Variants in FRYL observed in about 807,000 individuals in gnomAD.
FRYL encodes the protein FRY like transcription coactivator.
Under a neutral mutation model 351.2 loss-of-function variants are expected in FRYL, and 150 were observed. That is an observed-to-expected ratio of 0.43 (90% CI 0.37 to 0.49). The LOEUF (loss-of-function observed/expected upper bound fraction) is 0.49, where lower values mean the gene tolerates loss of function less well. Ranked by LOEUF, FRYL falls within the 20% of genes least tolerant of loss-of-function variation. The pLI is 0.00. For synonymous variants in FRYL, 1,153 were observed against 1,257.1 expected (o/e 0.92, Z 1.75); for missense variants, 3,036 against 3,619.3 (o/e 0.84, Z 4.13).
At chr4:48,537,917 T>C (rs1476952091) in intron 47 of FRYL, among the ~76,000 whole-genome samples, 2 of 152,182 alleles carry the variant, frequency 1.3e-5, no homozygotes, top group Non-Finnish European at 2.9e-5. Flanking sequence ...TTTTATTTTC[T>C]TGAAACCCCC....
chr4:48,539,883 AGGAGTTTT>A (rs1327482086), intron 47 of FRYL, 80 bp downstream of exon 47: 9 of 911,480 alleles, frequency 9.9e-6, no homozygotes, highest in Admixed American at 4.9e-5. Context: ...TGACAATAAA[AGGAGTTTT>A]AAGAGATTTC....
At chr4:48,704,949 C>CAAAA (rs780894705) in intron 2 of FRYL, among the ~76,000 whole-genome samples, 10 of 50,714 alleles carry the variant, frequency 2.0e-4, no homozygotes, top group African/African-American at 7.8e-4. Context: ...GACTCCGTCT[C>CAAAA]AAAAAAAAAA....
In FRYL at chr4:48,565,687, G is replaced by A; in HGVS notation, c.3174C>T (p.His1058=). The change falls in exon 29 of 64, where the codon CAC becomes CAT. Residue 1058 remains histidine (H), a synonymous_variant. Coordinates refer to ENST00000358350, the MANE Select transcript of FRYL (RefSeq NM_015030.2). Reference sequence around the variant, plus strand: ...GTTGAGGAAAAATACTTCTTCTCTGGTGCACTGTGAATAAAAAAAGATAGA... The same window carrying A: ...GTTGAGGAAAAATACTTCTTCTCTGATGCACTGTGAATAAAAAAAGATAGA... ...VANIIQNVPV[H]QRRSIFPQQS... is the part of the protein sequence containing the mutation. 6.2e-7 allele frequency: 1 copy of A among 1,604,760 alleles called. No homozygotes were observed. The highest frequency in any genetic ancestry group is 8.5e-7 in the Non-Finnish European group (1 of 1,177,714).
At chr4:48,640,562 G>T (rs559277973) in intron 3 of FRYL, among the ~76,000 whole-genome samples, 1 of 152,220 alleles carries the variant, frequency 6.6e-6, no homozygotes, top group Non-Finnish European at 1.5e-5. Flanking sequence ...CTGTAGTATA[G>T]TATATGGTGG....
chr4:48,758,330 A>G (rs76175802), intron 1 of FRYL, among the ~76,000 whole-genome samples: 148,712 of 152,120 alleles, frequency 0.98, 72,780 homozygotes, highest in East Asian at 1. Flanking sequence ...CAATCTATCC[A>G]TGTGACAAAG....
intron 32 of FRYL, among the ~76,000 whole-genome samples, chr4:48,561,840 C>G (rs1735576033): frequency 6.6e-6 from 1 of 152,022 alleles, no homozygotes; most frequent in Non-Finnish European, 1.5e-5. Flanking sequence ...CATAGCAGGA[C>G]CTCATCTCTA....
chr4:48,700,294 G>A (rs1766594991), intron 2 of FRYL, among the ~76,000 whole-genome samples: 1 of 152,126 alleles, frequency 6.6e-6, no homozygotes. Flanking sequence ...AACTTAAAAT[G>A]AGAGGGGAAA....
chr4:48,512,387 G>T, intron 57 of FRYL, 94 bp downstream of exon 57: 1 of 1,007,072 alleles, frequency 9.9e-7, no homozygotes, highest in Non-Finnish European at 1.5e-6. Context: ...AAACTGGTAG[G>T]AATATTAAAA....
intron 11 of FRYL, 40 bp downstream of exon 11, chr4:48,605,701 T>C (rs1746650229): frequency 5.6e-6 from 7 of 1,247,374 alleles, no homozygotes; most frequent in Non-Finnish European, 7.1e-6. Context: ...AAGGTTCTTG[T>C]ATAACACACA....
intron 3 of FRYL, among the ~76,000 whole-genome samples, chr4:48,678,353 T>G (rs966142002): frequency 2.6e-5 from 4 of 151,336 alleles, no homozygotes; most frequent in Non-Finnish European, 4.4e-5. Flanking sequence ...CCTAGAAATA[T>G]AAAAATTAGC....
intron 18 of FRYL, among the ~76,000 whole-genome samples, chr4:48,587,816 A>G (rs570825252): frequency 1.4e-3 from 210 of 152,138 alleles, no homozygotes; most frequent in Non-Finnish European, 2.6e-3. Flanking sequence ...AAGTGCTGGG[A>G]TTACAGGCAT....
At chr4:48,736,614 T>G (rs943011570) in intron 1 of FRYL, among the ~76,000 whole-genome samples, 1 of 149,860 alleles carries the variant, frequency 6.7e-6, no homozygotes, top group African/African-American at 2.5e-5. Context: ...CTTTGGGAGG[T>G]CCAGGCAGGC....
chr4:48,543,092 C>T (rs1730590068), intron 44 of FRYL, among the ~76,000 whole-genome samples: 3 of 152,202 alleles, frequency 2.0e-5, no homozygotes, highest in African/African-American at 7.2e-5. Flanking sequence ...AAAAGCCCTA[C>T]TGCTTCTGCC....
chr4:48,757,728 C>T (rs1423293472), intron 1 of FRYL, among the ~76,000 whole-genome samples: 6 of 151,956 alleles, frequency 3.9e-5, no homozygotes, highest in Non-Finnish European at 8.8e-5. Context: ...TTCACAGAAT[C>T]GGAAAAAACT....
At chr4:48,553,448 G>T in intron 35 of FRYL, 65 bp from the exon 36 acceptor site, 2 of 1,178,296 alleles carry the variant, frequency 1.7e-6, no homozygotes, top group Non-Finnish European at 2.5e-6. Flanking sequence ...TTTCTCCTGA[G>T]ACAAACTTTA....
At chr4:48,582,953 T>C (rs1413086301) in intron 19 of FRYL, among the ~76,000 whole-genome samples, 1 of 152,214 alleles carries the variant, frequency 6.6e-6, no homozygotes, top group African/African-American at 2.4e-5. Context: ...TCCCATTAGT[T>C]GGTGTTTTTA....
At chr4:48,688,533 A>C (rs911929430) in intron 2 of FRYL, among the ~76,000 whole-genome samples, 4 of 152,096 alleles carry the variant, frequency 2.6e-5, no homozygotes, top group Non-Finnish European at 5.9e-5. Context: ...AAAATTCATG[A>C]TTTGTAAAAT....
chr4:48,729,083 T>C (rs1311101962), intron 1 of FRYL, among the ~76,000 whole-genome samples: 1 of 152,226 alleles, frequency 6.6e-6, no homozygotes, highest in African/African-American at 2.4e-5. Context: ...CGTGCCTGGC[T>C]CAGCAGGTCC....
chr4:48,511,846 A>G lies in FRYL; in HGVS notation c.8145+635T>C, dbSNP rs1412270998. 2.6e-5 allele frequency among the ~76,000 whole-genome samples: 4 copies of G among 152,136 alleles called. No homozygotes were observed. The East Asian group carries it at 7.7e-4, about 29-fold the overall frequency. The stretch of plus-strand genomic sequence containing the variant: ...AATTTGGGAGGAGAAAAGGGAGGAA[A>G]GGTGGTAGATAGTTCAGAGGACAAT... On this transcript the variant is annotated intron_variant, in intron 57 of 63. Coordinates refer to ENST00000358350, the MANE Select transcript of FRYL (RefSeq NM_015030.2).
Sources: gnomAD v4.1 joint callset for allele counts (sites outside exome capture counted in the v4.1 genomes callset) on GRCh38, gnomAD v4.1.1 for gene constraint, MANE v1.5 for transcripts, NCBI Gene and HGNC (gene_info 2026-07-23, HGNC 2026-07-21) for gene names.